FBXO31: variants seen among roughly 807,000 people sequenced by gnomAD.
FBXO31 encodes the protein F-box only protein 31.
FBXO31 carries 24 observed loss-of-function variants against 54.4 expected under a neutral mutation model. That is an observed-to-expected ratio of 0.44 (90% CI 0.32 to 0.62). The LOEUF is 0.62. Ranked by LOEUF, FBXO31 falls within the 20% of genes least tolerant of loss-of-function variation. The pLI, the probability that FBXO31 is intolerant of heterozygous loss-of-function variation, is 0.05. For synonymous variants in FBXO31, 388 were observed against 335.6 expected (o/e 1.16, Z -1.71); for missense variants, 665 against 787.1 (o/e 0.84, Z 1.86).
chr16:87,383,493 G>T lies in FBXO31; in HGVS notation c.252C>A (p.Gly84=). Residue 84 remains glycine (G), a synonymous_variant, in exon 1 of 9, where the codon GGC becomes GGA. Transcript: ENST00000311635. This position sits in a 1 kb window ranked among gnomAD's most constrained non-coding sequence, Gnocchi z 4.9. ...CCTGGGCCAAGCTGGGTAGGTCCGT[G>T]CCCGGCAGCGACGCGAAGATCTCCA... ...LLVEIFASLP[G]TDLPSLAQVC... The T allele has an allele frequency of 6.3e-7, 1 of 1,588,028 alleles. No individual in the cohort carries two copies. The highest frequency in any genetic ancestry group is 8.5e-7 in the Non-Finnish European group (1 of 1,170,832).
chr16:87,374,397 G>A (rs758752014), intron 1 of FBXO31, among the ~76,000 whole-genome samples: 14 of 152,034 alleles, frequency 9.2e-5, no homozygotes, highest in African/African-American at 2.2e-4. Flanking sequence ...ATCGAAAATC[G>A]CTTTATTGTA....
chr16:87,343,859 A>C, intron 3 of FBXO31, 94 bp from the exon 4 acceptor site: 5 of 1,359,140 alleles, frequency 3.7e-6, no homozygotes, highest in Non-Finnish European at 5.1e-6. Context: ...GGCACAGAGA[A>C]GCTCCTGCCA....
intron 2 of FBXO31, 108 bp downstream of exon 2, chr16:87,360,187 G>A (rs1421439149): frequency 4.7e-6 from 5 of 1,064,502 alleles, no homozygotes; most frequent in Non-Finnish European, 5.7e-6. Flanking sequence ...GATGGTGTCT[G>A]AGAAAACAAA....
chr16:87,352,887 A>C (rs1251873520), intron 2 of FBXO31, among the ~76,000 whole-genome samples: 1 of 152,194 alleles, frequency 6.6e-6, no homozygotes, highest in Non-Finnish European at 1.5e-5. Context: ...AGGCGCCGGC[A>C]CATCTGGGTT....
Position 87,345,836 on chromosome 16 carries a change from C to G in FBXO31, c.489+1338G>C, listed in dbSNP as rs1010771837. On this transcript the variant is annotated intron_variant, in intron 3 of 8. Transcript: ENST00000311635. This position sits in a 1 kb window ranked among gnomAD's most constrained non-coding sequence, Gnocchi z 4.9. ...ACTGGCTGGGGAGGAAGGCCCATGT[C>G]TGGCACCTGCAGGCTGGAGAGGCAC... 2.0e-5 allele frequency among the ~76,000 whole-genome samples: 3 copies of G among 152,232 alleles called. No individual in the cohort carries two copies. Among genetic ancestry groups the G allele is most frequent in the African/African-American group, 7.2e-5 (3 of 41,474 alleles).
intron 1 of FBXO31, among the ~76,000 whole-genome samples, chr16:87,368,869 G>T (rs1282814649): frequency 6.6e-6 from 1 of 152,024 alleles, no homozygotes; most frequent in African/African-American, 2.4e-5. Flanking sequence ...GCACCATCTC[G>T]GCTCACTGCA....
At position 87,370,280 on chromosome 16, in the gene FBXO31, C is replaced by G. The variant is rs7184449; in HGVS notation, c.341-9914G>C. Among the ~76,000 whole-genome samples the G allele has an allele frequency of 4.4e-3, 670 of 152,362 alleles. 6 individuals carry two copies. Among genetic ancestry groups the G allele is most frequent in the African/African-American group, 0.016 (647 of 41,592 alleles). On this transcript the variant is annotated intron_variant, in intron 1 of 8. Transcript: ENST00000311635. ...TGGCCAGCGTGGCCGAGCCCGCACT[C>G]AGCACACTGGGATGGGAGGGACAGG...
chr16:87,360,171 CTG>C, intron 2 of FBXO31, 122 bp downstream of exon 2: 1 of 845,368 alleles, frequency 1.2e-6, no homozygotes, highest in African/African-American at 1.7e-5. Context: ...CAAAATGTGA[CTG>C]TAAGATGGTG....
chr16:87,373,174 G>A (rs904536570), intron 1 of FBXO31, among the ~76,000 whole-genome samples: 2 of 151,844 alleles, frequency 1.3e-5, no homozygotes, highest in African/African-American at 2.4e-5. Context: ...GAAGCTGGCC[G>A]GGCACAGTGG....
intron 3 of FBXO31, 74 bp downstream of exon 3, chr16:87,347,100 G>C: frequency 7.7e-7 from 1 of 1,301,890 alleles, no homozygotes; most frequent in Non-Finnish European, 1.1e-6. Flanking sequence ...AGGTAGAAGA[G>C]GCCCTCAAAT....
At chr16:87,373,223 G>A (rs879854632) in intron 1 of FBXO31, among the ~76,000 whole-genome samples, 9 of 151,754 alleles carry the variant, frequency 5.9e-5, no homozygotes, top group Admixed American at 1.3e-4. Context: ...AGGCCGAGGC[G>A]GGCAGATCAC....
upstream of FBXO31, among the ~76,000 whole-genome samples, chr16:87,390,889 G>A (rs986494204): frequency 4.0e-5 from 6 of 151,856 alleles, no homozygotes; most frequent in South Asian, 8.4e-4. Context: ...TGGAGCCACC[G>A]CCCCCCGCTA....
At chr16:87,372,732 CTTT>C (rs540984671) in intron 1 of FBXO31, among the ~76,000 whole-genome samples, 8 of 129,720 alleles carry the variant, frequency 6.2e-5, no homozygotes, top group African/African-American at 9.1e-5. Context: ...GGTTAATTTC[CTTT>C]TTTTTTTTTT....
At chr16:87,375,475 A>G (rs1906783753) in intron 1 of FBXO31, among the ~76,000 whole-genome samples, 1 of 152,116 alleles carries the variant, frequency 6.6e-6, no homozygotes, top group African/African-American at 2.4e-5. Flanking sequence ...TGGGCAACAG[A>G]GCAAGACTCT....
At chr16:87,379,951 T>C (rs968628370) in intron 1 of FBXO31, among the ~76,000 whole-genome samples, 25 of 150,780 alleles carry the variant, frequency 1.7e-4, no homozygotes, top group South Asian at 1.5e-3. Flanking sequence ...AAAATACAAC[T>C]TGGGCCACTG....
At position 87,330,908 on chromosome 16, in the gene FBXO31, C is replaced by T. The variant is rs1314246485; in HGVS notation, c.*380G>A. The T allele has an allele frequency of 3.9e-6, 1 of 256,806 alleles. No homozygotes were observed. Among genetic ancestry groups the T allele is most frequent in the Non-Finnish European group, 7.7e-6 (1 of 129,154 alleles). 15.9% of individuals were successfully genotyped at this position (256,806 alleles called of 1,614,324 possible). A position where few individuals can be genotyped will look rare whatever the true frequency, so the allele number is the denominator to read the frequency against. On this transcript the variant is annotated 3_prime_UTR_variant, in exon 9 of 9. Coordinates refer to ENST00000311635, the MANE Select transcript of FBXO31 (RefSeq NM_024735.5). ...GTCTCACACACGACCCAGTCTATCA[C>T]TCTATCCGCTCACAGGAAGAGCACC...
chr16:87,353,275 C>T (rs1905745767), intron 2 of FBXO31, among the ~76,000 whole-genome samples: 1 of 152,176 alleles, frequency 6.6e-6, no homozygotes, highest in South Asian at 2.1e-4. Flanking sequence ...CCTGTGATGA[C>T]ACAAGGCCTG....
chr16:87,364,545 C>A (rs1315258601), intron 1 of FBXO31, among the ~76,000 whole-genome samples: 2 of 152,162 alleles, frequency 1.3e-5, no homozygotes, highest in Non-Finnish European at 1.5e-5. Flanking sequence ...GATCAACTAA[C>A]TATTCAGGTT....
Position 87,331,207 on chromosome 16 carries a change from A to G in FBXO31, c.*81T>C, listed in dbSNP as rs1211096407. 2.5e-5 allele frequency: 36 copies of G among 1,436,264 alleles called. No homozygotes were observed. The highest frequency in any genetic ancestry group is 1.4e-5 in the African/African-American group (1 of 71,220). 89.0% of individuals were successfully genotyped at this position (1,436,264 alleles called of 1,614,324 possible). ...GTTCTGGTCAAAAGGCCGGATTTCC[A>G]AAGTGCATGCTGCTTCTATTCACAG... On this transcript the variant is annotated 3_prime_UTR_variant, in exon 9 of 9. Transcript: ENST00000311635.
Sources: allele counts gnomAD v4.1 joint callset (sites outside exome capture counted in the v4.1 genomes callset), GRCh38; gene constraint gnomAD v4.1.1; non-coding constraint Gnocchi (gnomAD v3.1); transcripts MANE v1.5; gene names NCBI Gene and HGNC (gene_info 2026-07-23, HGNC 2026-07-21).